The following TTC7A variants were observed in gnomAD, a reference collection of about 807,000 sequenced individuals.
TTC7A encodes tetratricopeptide repeat domain 7A, also known as tetratricopeptide repeat protein 7A.
TTC7A carries 110 observed loss-of-function variants against 103.7 expected under a neutral mutation model. The observed-to-expected ratio is 1.06, with a 90% CI of 0.91 to 1.24. TTC7A has a LOEUF of 1.24. TTC7A is among the 50% of genes most tolerant of loss of function. TTC7A has a pLI of 0.00. For missense variants in TTC7A, 1,340 were observed against 1,116.3 expected, an observed-to-expected ratio of 1.20 and a Z score of -2.86; for synonymous variants, 521 against 467.9, an observed-to-expected ratio of 1.11 and a Z score of -1.47.
In TTC7A at chr2:47,076,033, G is replaced by A. The variant is rs1348053071; in HGVS notation, c.*2110G>A. 2 of 152,290 alleles carry A rather than the reference G, an allele frequency of 1.3e-5. No individual in the cohort carries two copies. Among genetic ancestry groups the A allele is most frequent in the Admixed American group, 6.5e-5 (1 of 15,290 alleles). 9.4% of individuals were successfully genotyped at this position (152,290 alleles called of 1,614,324 possible). On this transcript the variant is annotated 3_prime_UTR_variant, in exon 20 of 20. Transcript: ENST00000319190. The stretch of plus-strand genomic sequence containing the variant: ...CTTGTTCAGATTGGCCACCTCTGCT[G>A]AGAAGTCCATACCAGTACACCCCTA...
At chr2:46,936,578 C>A (rs1296721412), upstream of TTC7A, among the ~76,000 whole-genome samples, 6 of 152,178 alleles carry the variant, frequency 3.9e-5, no homozygotes, top group Non-Finnish European at 7.3e-5. Flanking sequence ...CGCAGACTCT[C>A]ATGGTTCTGT....
chr2:46,962,431 C>A (rs1043223519), intron 3 of TTC7A, among the ~76,000 whole-genome samples: 1 of 152,158 alleles, frequency 6.6e-6, no homozygotes, highest in African/African-American at 2.4e-5. Flanking sequence ...CAGTTGTATC[C>A]CCCAAGGCTC....
In TTC7A at chr2:47,006,725, G is replaced by A; in HGVS notation, c.1287+1G>A. On this transcript the variant is annotated splice_donor_variant, in intron 10 of 19. Coordinates refer to ENST00000319190, the MANE Select transcript of TTC7A (RefSeq NM_020458.4). LOFTEE classifies it high-confidence loss of function. The stretch of plus-strand genomic sequence containing the variant: ...CCTCTCCATGGTGGCTTGTGGGAAG[G>A]TAAGGCCCAGGGGGCGCTAGGGGTT... 1 of 1,612,708 alleles carries A rather than the reference G, an allele frequency of 6.2e-7. No homozygotes were observed. Among genetic ancestry groups the A allele is most frequent in the Non-Finnish European group, 8.5e-7 (1 of 1,178,648 alleles).
intron 19 of TTC7A, among the ~76,000 whole-genome samples, chr2:47,068,875 AAAAAAAAAAAAAG>A (rs1278762693): frequency 0.01 from 922 of 90,372 alleles, 9 homozygotes; most frequent in African/African-American, 0.062. Flanking sequence ...AAAAAAAAAA[AAAAAAAAAAAAAG>A]AAAGACTCAC....
At chr2:47,039,145 C>A (rs774189315) in intron 15 of TTC7A, among the ~76,000 whole-genome samples, 16 of 152,152 alleles carry the variant, frequency 1.1e-4, no homozygotes, top group Non-Finnish European at 1.9e-4. Context: ...GGTGAAGGCA[C>A]TTCCAGGAAG....
chr2:47,002,482 C>G (rs1232477737), intron 8 of TTC7A, among the ~76,000 whole-genome samples: 1 of 152,190 alleles, frequency 6.6e-6, no homozygotes, highest in Non-Finnish European at 1.5e-5. Flanking sequence ...TCTGAGGCCA[C>G]TTCAATGGTG....
chr2:47,038,408 T>C (rs1231701296), intron 15 of TTC7A, among the ~76,000 whole-genome samples: 4 of 152,222 alleles, frequency 2.6e-5, no homozygotes, highest in African/African-American at 7.2e-5. Context: ...GGGGACCATT[T>C]ACTATGCAGC....
intron 18 of TTC7A, 37 bp downstream of exon 18, chr2:47,051,917 C>G: frequency 1.3e-6 from 2 of 1,576,880 alleles, no homozygotes; most frequent in Non-Finnish European, 1.7e-6. Context: ...CACAGCCTGT[C>G]TGCAGGCCAC....
At chr2:47,047,014 TG>T (rs914886502) in intron 16 of TTC7A, 3 of 430,976 alleles carry the variant, frequency 7.0e-6, no homozygotes, top group African/African-American at 6.1e-5. Context: ...CTGGAGACCC[TG>T]GCCTGGGACC....
chr2:46,955,129 G>T (rs377376068), intron 2 of TTC7A, among the ~76,000 whole-genome samples: 3 of 151,154 alleles, frequency 2.0e-5, no homozygotes, highest in African/African-American at 7.4e-5. Context: ...CTCTTTTCTG[G>T]ACTTTGCCCT....
At chr2:47,060,292 C>A (rs879866406) in intron 18 of TTC7A, among the ~76,000 whole-genome samples, 3 of 152,076 alleles carry the variant, frequency 2.0e-5, no homozygotes, top group Non-Finnish European at 2.9e-5. Context: ...ATCACTTGAA[C>A]CCAGGGGGCA....
intron 8 of TTC7A, among the ~76,000 whole-genome samples, chr2:46,997,948 C>T (rs13432506): frequency 2.6e-5 from 4 of 152,080 alleles, no homozygotes; most frequent in South Asian, 2.1e-4. Context: ...AAACATGGCC[C>T]GTGCTTGGAG....
chr2:46,969,437 G>A (rs951222921), intron 3 of TTC7A, among the ~76,000 whole-genome samples: 29 of 152,194 alleles, frequency 1.9e-4, no homozygotes, highest in African/African-American at 6.7e-4. Context: ...AACCCGGGAG[G>A]CAGAGCTTGC....
At chr2:47,034,143 C>G (rs1316825669) in intron 15 of TTC7A, 1 of 152,280 alleles carries the variant, frequency 6.6e-6, no homozygotes, top group East Asian at 1.9e-4. Flanking sequence ...GACAGCCCCA[C>G]AGGGACAGCA....
At chr2:47,046,678 A>G (rs1682356897) in intron 16 of TTC7A, 1 of 502,256 alleles carries the variant, frequency 2.0e-6, no homozygotes, top group Non-Finnish European at 3.6e-6. Context: ...AGGAAGAGAA[A>G]TCATTCTTGA....
At chr2:46,917,052 C>G (rs905199027) in intron 1 of TTC7A, 1 of 624,780 alleles carries the variant, frequency 1.6e-6, no homozygotes, top group Admixed American at 2.7e-5. Flanking sequence ...TAGTTAGATG[C>G]CTTGAAAGTT....
At chr2:47,009,599 A>G (rs1181336466) in intron 10 of TTC7A, among the ~76,000 whole-genome samples, 1 of 152,136 alleles carries the variant, frequency 6.6e-6, no homozygotes, top group Non-Finnish European at 1.5e-5. Context: ...GACATAGACC[A>G]TTCGGATCAT....
chr2:46,981,700 AG>A (rs1298302061), intron 5 of TTC7A, among the ~76,000 whole-genome samples: 1 of 152,250 alleles, frequency 6.6e-6, no homozygotes, highest in African/African-American at 2.4e-5. Context: ...GTGGGTCTCC[AG>A]GTGCTCTGGG....
chr2:46,981,118 C>G (rs1386126719), intron 5 of TTC7A, among the ~76,000 whole-genome samples: 1 of 152,216 alleles, frequency 6.6e-6, no homozygotes, highest in African/African-American at 2.4e-5. Context: ...CCTTCAGCCC[C>G]TCTCTGGCCC....
Sources: allele counts gnomAD v4.1 joint callset (sites outside exome capture counted in the v4.1 genomes callset), GRCh38; gene constraint gnomAD v4.1.1; transcripts MANE v1.5; gene names NCBI Gene and HGNC (gene_info 2026-07-23, HGNC 2026-07-21).